SYNE1: variants seen among roughly 807,000 people sequenced by gnomAD.
SYNE1 encodes nesprin-1.
In SYNE1, 616 loss-of-function variants were observed where a neutral mutation model predicts 1,111.0. The ratio of observed to expected loss-of-function variants is 0.55; its 90% CI spans 0.52 to 0.59. The LOEUF (loss-of-function observed/expected upper bound fraction) is 0.59, where lower values mean the gene tolerates loss of function less well. Ranked by LOEUF, SYNE1 falls within the 20% of genes least tolerant of loss-of-function variation. The pLI is 0.00. For missense variants in SYNE1, 10,006 were observed against 10,417.0 expected (o/e 0.96, Z 1.72); for synonymous variants, 3,855 against 3,825.8 (o/e 1.01, Z -0.28).
In SYNE1 at chr6:152,330,246, C is replaced by T. The variant is rs2153970221; in HGVS notation, c.14439G>A (p.Glu4813=). 6.2e-7 allele frequency: 1 copy of T among 1,614,190 alleles called. No individual in the cohort carries two copies. Among genetic ancestry groups the T allele is most frequent in the Non-Finnish European group, 8.5e-7 (1 of 1,180,030 alleles). Residue 4813 remains glutamate, a synonymous_variant, in exon 78 of 146, where the codon GAG becomes GAA. Transcript: ENST00000367255. ...CCAGGGAGTGATACATTTTGAGCTT[C>T]TCCTCTGCAGGCAGCGTTTCCTCAT... ...KVNEETLPAE[E]KLKMYHSLAG...
chr6:152,226,461 C>T (rs1226630531), intron 115 of SYNE1, among the ~76,000 whole-genome samples: 1 of 152,114 alleles, frequency 6.6e-6, no homozygotes, highest in Non-Finnish European at 1.5e-5. Flanking sequence ...ACTCTGAATT[C>T]TATGTGATTC....
chr6:152,188,987 ATATATATATATATATATATAT>A (rs2071349526), intron 128 of SYNE1, among the ~76,000 whole-genome samples: 46 of 41,876 alleles, frequency 1.1e-3, no homozygotes, highest in African/African-American at 6.4e-3. Context: ...AAAAAAAAAT[ATATATATATATATATATATAT>A]ATATATATAT....
intron 3 of SYNE1, among the ~76,000 whole-genome samples, chr6:152,556,487 C>A (rs2099365423): frequency 6.6e-6 from 1 of 152,142 alleles, no homozygotes; most frequent in South Asian, 2.1e-4. Flanking sequence ...GACCCAAGTG[C>A]CAGACCAACT....
chr6:152,526,209 A>G (rs2099162835), intron 4 of SYNE1, 34 bp from the exon 5 acceptor site: 1 of 1,584,870 alleles, frequency 6.3e-7, no homozygotes, highest in African/African-American at 1.3e-5. Context: ...TGCAGAAAAT[A>G]TCTCTTCCCT....
rs775296112 is a variant in SYNE1, at chr6:152,344,230, G to A, written c.12079-3C>T. The stretch of plus-strand genomic sequence containing the variant: ...TCGTGTTCCAAACTCTGGTACATCT[G>A]AGACAATACAATCATGCTGAGATTA... On this transcript the variant is annotated splice_polypyrimidine_tract_variant and splice_region_variant and intron_variant, in intron 73 of 145. Transcript: ENST00000367255. 7.4e-6 allele frequency: 12 copies of A among 1,614,022 alleles called. No homozygotes were observed. The highest frequency in any genetic ancestry group is 1.3e-5 in the African/African-American group (1 of 74,910).
intron 4 of SYNE1, among the ~76,000 whole-genome samples, chr6:152,527,205 T>C (rs190649075): frequency 1.3e-5 from 2 of 152,210 alleles, no homozygotes; most frequent in Non-Finnish European, 1.5e-5. Flanking sequence ...CTCCAAATGT[T>C]TGGTTGGAAT....
chr6:152,198,175 T>A (rs1324998150), intron 127 of SYNE1, among the ~76,000 whole-genome samples: 1 of 152,210 alleles, frequency 6.6e-6, no homozygotes, highest in Non-Finnish European at 1.5e-5. Context: ...CTTCAACACT[T>A]GCTGCTTCAC....
At chr6:152,592,787 T>C (rs903685825) in intron 3 of SYNE1, among the ~76,000 whole-genome samples, 1 of 152,222 alleles carries the variant, frequency 6.6e-6, no homozygotes, top group Admixed American at 6.5e-5. Flanking sequence ...GGGCAGAGAA[T>C]TTATTAGTGC....
chr6:152,277,863 C>A (rs1413133688), intron 98 of SYNE1: 1 of 591,994 alleles, frequency 1.7e-6, no homozygotes, highest in Non-Finnish European at 3.1e-6. Flanking sequence ...GCCTCCACCA[C>A]TCCGCTGAAC....
At chr6:152,164,135 T>C in intron 131 of SYNE1, 28 bp downstream of exon 131, 1 of 1,613,864 alleles carries the variant, frequency 6.2e-7, no homozygotes, top group South Asian at 1.1e-5. Flanking sequence ...CCATGGCTTA[T>C]TAATTCCATT....
rs905167916 is a variant in SYNE1 at position 152,636,732 on chromosome 6, G to A, written c.-318C>T. 2 of 152,428 alleles carry A rather than the reference G, an allele frequency of 1.3e-5. No homozygotes were observed. Among genetic ancestry groups the A allele is most frequent in the South Asian group, 2.1e-4 (1 of 4,826 alleles). 9.4% of individuals were successfully genotyped at this position (152,428 alleles called of 1,614,324 possible). A position where few individuals can be genotyped will look rare whatever the true frequency, so the allele number is the denominator to read the frequency against. ...TGCGCCCAGGCTCGGCGGGACCCCG[G>A]GGATGCGCGGCTGTCCGCCCGCCCT... On this transcript the variant is annotated 5_prime_UTR_variant, in exon 2 of 146. Coordinates refer to ENST00000367255, the MANE Select transcript of SYNE1 (RefSeq NM_182961.4).
chr6:152,512,372 A>T (rs1027024366), intron 6 of SYNE1, among the ~76,000 whole-genome samples: 2 of 152,172 alleles, frequency 1.3e-5, no homozygotes, highest in African/African-American at 2.4e-5. Flanking sequence ...CTTTATGGAA[A>T]ATAAAGAACA....
At chr6:152,479,440 A>T (rs933388506) in intron 14 of SYNE1, among the ~76,000 whole-genome samples, 1 of 152,182 alleles carries the variant, frequency 6.6e-6, no homozygotes, top group Non-Finnish European at 1.5e-5. Context: ...AGAATAATAA[A>T]TTAGTCAGTA....
intron 14 of SYNE1, 112 bp from the exon 15 acceptor site, chr6:152,472,525 C>A: frequency 1.0e-6 from 1 of 981,444 alleles, no homozygotes; most frequent in Non-Finnish European, 1.6e-6. Context: ...AATTTGATCC[C>A]GCTGCCACAT....
intron 32 of SYNE1, among the ~76,000 whole-genome samples, chr6:152,439,422 G>T (rs1239497701): frequency 8.5e-5 from 13 of 152,102 alleles, no homozygotes; most frequent in Admixed American, 5.9e-4. Context: ...TAGAGATGGG[G>T]TATTGCTATA....
intron 105 of SYNE1, among the ~76,000 whole-genome samples, chr6:152,246,300 G>C (rs1562474182): frequency 6.6e-6 from 1 of 151,554 alleles, no homozygotes; most frequent in Non-Finnish European, 1.5e-5. Context: ...AAAGCAAGCT[G>C]GAGGAAAACA....
chr6:152,479,673 T>A (rs991309831), intron 14 of SYNE1, among the ~76,000 whole-genome samples: 2 of 152,158 alleles, frequency 1.3e-5, no homozygotes, highest in African/African-American at 4.8e-5. Flanking sequence ...CATGGTTAAG[T>A]CCTCCATAAT....
intron 124 of SYNE1, among the ~76,000 whole-genome samples, chr6:152,211,182 G>A (rs903914982): frequency 5.9e-5 from 9 of 152,248 alleles, no homozygotes; most frequent in Admixed American, 1.3e-4. Context: ...TTTACAAACC[G>A]TTGATAGGTC....
rs183367948 is a variant in SYNE1, at chr6:152,369,182, C to T, written c.9652-55G>A. 2.4e-4 allele frequency: 383 copies of T among 1,596,872 alleles called. 1 individual carries two copies. The East Asian group carries it at 7.4e-3, about 31-fold the overall frequency. On this transcript the variant is annotated intron_variant, in intron 60 of 145. Coordinates refer to ENST00000367255, the MANE Select transcript of SYNE1 (RefSeq NM_182961.4). Reference sequence around the variant, plus strand: ...AGGCTGGGGAAAAGCACATCGCGGACGAAGCTTTGGCCCAGAGAACATGGA... The same window carrying T: ...AGGCTGGGGAAAAGCACATCGCGGATGAAGCTTTGGCCCAGAGAACATGGA...
Sources: allele counts gnomAD v4.1 joint callset (sites outside exome capture counted in the v4.1 genomes callset), GRCh38; gene constraint gnomAD v4.1.1; transcripts MANE v1.5; gene names NCBI Gene and HGNC (gene_info 2026-07-23, HGNC 2026-07-21).